Variants in FDXR observed in about 807,000 individuals in gnomAD.
The protein encoded by FDXR is NADPH:adrenodoxin oxidoreductase, mitochondrial.
FDXR carries 38 observed loss-of-function variants against 58.3 expected under a neutral mutation model. The observed-to-expected ratio is 0.65, with a 90% CI of 0.50 to 0.85. FDXR has a LOEUF of 0.85. Among genes scored for constraint, FDXR ranks in the 40% least tolerant of loss-of-function variants. The probability of loss-of-function intolerance (pLI) is 0.00; values close to 1 mark genes in which losing one functional copy is unlikely to be tolerated. For missense variants in FDXR, 624 were observed against 671.0 expected (o/e 0.93, Z 0.77); for synonymous variants, 275 against 273.8 (o/e 1.00, Z -0.04).
rs542442019 is a variant in FDXR, at chr17:74,866,182, G to A, written c.456C>T (p.Cys152=). The A allele has an allele frequency of 5.6e-6, 9 of 1,614,040 alleles. No homozygotes were observed. In the Admixed American group the frequency reaches 6.7e-5, roughly 12 times the overall value. ...EIPGEELPGV[C]SARAFVGWYN... ...ACCAGCCCACGAAGGCCCGGGCGGA[G>A]CACACACCTGGCAGCTCCTCACCAG... Residue 152 remains cysteine (C), a synonymous_variant, in exon 5 of 12, where the codon TGC becomes TGT. Coordinates refer to ENST00000293195, the MANE Select transcript of FDXR (RefSeq NM_024417.5).
At chr17:74,863,806 T>C in intron 10 of FDXR, 90 bp downstream of exon 10, 1 of 1,482,418 alleles carries the variant, frequency 6.7e-7, no homozygotes, top group Non-Finnish European at 9.2e-7. Context: ...CAGTACATGT[T>C]GCTAGATGAA....
At position 74,872,754 on chromosome 17, in the gene FDXR, C is replaced by G. The variant is rs1350043580; in HGVS notation, c.79+112G>C. The G allele has an allele frequency of 2.6e-6, 4 of 1,533,262 alleles. No homozygotes were observed. The Admixed American group carries it at 7.9e-5, about 30-fold the overall frequency. The allele number at this position is 1,533,262 out of a possible 1,614,324, so 95.0% of individuals were successfully genotyped here. ...CCGGGATCTCGCCAGCAGGAAGACA[C>G]CCCTTCAGTCTCACCCTTCTCCAGC... On this transcript the variant is annotated intron_variant, in intron 1 of 11. Transcript: ENST00000293195.
rs764795210 is a variant in FDXR at position 74,872,267 on chromosome 17, C to CT, written c.80-135_80-134insA. On this transcript the variant is annotated intron_variant, in intron 1 of 11. Coordinates refer to ENST00000293195, the MANE Select transcript of FDXR (RefSeq NM_024417.5). ...CCTGCATCCTCCTTCTCTTGTTCCT[C>CT]AAGGCTTTGGCATTTGCAGGGTCTC... is the stretch of plus-strand genomic sequence containing the variant. The CT allele has an allele frequency of 3.1e-5, 47 of 1,538,854 alleles. No homozygotes were observed. In the East Asian group the frequency reaches 1.1e-3, roughly 36 times the overall value.
At chr17:74,871,782 G>A (rs1241940069) in intron 2 of FDXR, among the ~76,000 whole-genome samples, 1 of 152,170 alleles carries the variant, frequency 6.6e-6, no homozygotes, top group Non-Finnish European at 1.5e-5. Flanking sequence ...TGCTTGGCCA[G>A]GGAGGCAAAG....
At position 74,864,917 on chromosome 17, in the gene FDXR, C is replaced by T. The variant is rs768414971; in HGVS notation, c.624G>A (p.Thr208=). The change falls in exon 7 of 12, where the codon ACG becomes ACA. Residue 208 remains threonine (T), a synonymous_variant. Coordinates refer to ENST00000293195, the MANE Select transcript of FDXR (RefSeq NM_024417.5). ...PPEHLERTDI[T]KAALGVLRQS... ...GCCTCAGTACACCCAGGGCTGCCTT[C>T]GTGATGTCCGTTCTCTGGCACAAAA... is the stretch of plus-strand genomic sequence containing the variant. 4.3e-6 allele frequency: 7 copies of T among 1,614,030 alleles called. No homozygotes were observed. The highest frequency in any genetic ancestry group is 1.1e-5 in the South Asian group (1 of 91,090).
In FDXR at chr17:74,866,573, C is replaced by G. The variant is rs2038193856; in HGVS notation, c.271-5G>C. 6.2e-7 allele frequency: 1 copy of G among 1,613,508 alleles called. No individual in the cohort carries two copies. The highest frequency in any genetic ancestry group is 2.2e-5 in the East Asian group (1 of 44,872). ...GGTAAATGTGTTGATGACATTCTGC[C>G]AGGTCCCCCGGGAATGGGAGGGGTT... is the stretch of plus-strand genomic sequence containing the variant. On this transcript the variant is annotated splice_polypyrimidine_tract_variant and splice_region_variant and intron_variant, in intron 3 of 11. Coordinates refer to ENST00000293195, the MANE Select transcript of FDXR (RefSeq NM_024417.5).
intron 2 of FDXR, chr17:74,870,053 G>A (rs979882431): frequency 6.3e-5 from 27 of 425,614 alleles, no homozygotes; most frequent in Admixed American, 5.5e-4. Context: ...TGTCCCAAAC[G>A]TGCTGCATGT....
chr17:74,864,802 C>T (rs755334781), intron 7 of FDXR, 22 bp downstream of exon 7: 12 of 1,613,770 alleles, frequency 7.4e-6, no homozygotes, highest in Middle Eastern at 1.7e-4. Context: ...AACCCTGGCT[C>T]CTCCCACTCT....
Position 74,862,789 on chromosome 17 carries a change from C to G in FDXR, c.*28G>C, listed in dbSNP as rs768032757. The G allele has an allele frequency of 6.3e-6, 10 of 1,594,418 alleles. No homozygotes were observed. The highest frequency in any genetic ancestry group is 8.5e-6 in the Non-Finnish European group (10 of 1,173,684). Reference sequence around the variant, plus strand: ...TCCCCTCCCAACACTCATCCCTTCCCTGCTGGGGGCCGGGGCTGGGGCTGG... The same window carrying G: ...TCCCCTCCCAACACTCATCCCTTCCGTGCTGGGGGCCGGGGCTGGGGCTGG... On this transcript the variant is annotated 3_prime_UTR_variant, in exon 12 of 12. Transcript: ENST00000293195.
intron 5 of FDXR, 105 bp from the exon 6 acceptor site, chr17:74,865,925 C>A: frequency 1.0e-6 from 1 of 989,420 alleles, no homozygotes; most frequent in South Asian, 1.5e-5. Flanking sequence ...TGGGGCTTCC[C>A]CACACCGGGA....
At chr17:74,868,037 T>C (rs559999778) in intron 2 of FDXR, among the ~76,000 whole-genome samples, 4 of 151,010 alleles carry the variant, frequency 2.6e-5, no homozygotes, top group African/African-American at 9.8e-5. Flanking sequence ...AAGAAGCCCC[T>C]GCCCATCAGT....
At chr17:74,869,273 CCA>C (rs1411152037) in intron 2 of FDXR, among the ~76,000 whole-genome samples, 2 of 152,162 alleles carry the variant, frequency 1.3e-5, no homozygotes, top group Non-Finnish European at 2.9e-5. Flanking sequence ...TTGGGCCCAG[CCA>C]CAGAGTTTGA....
At chr17:74,868,665 G>GAGA (rs2038274882) in intron 2 of FDXR, 1 of 1,534,614 alleles carries the variant, frequency 6.5e-7, no homozygotes, top group Non-Finnish European at 8.7e-7. Context: ...CTTATCTCTC[G>GAGA]TGGCTGACCT....
At chr17:74,863,308 G>T in intron 10 of FDXR, 62 bp from the exon 11 acceptor site, 1 of 1,503,758 alleles carries the variant, frequency 6.7e-7, no homozygotes, top group Non-Finnish European at 9.0e-7. Flanking sequence ...TGGCCATCCT[G>T]TGCCCACAAT....
rs3833107 is a variant in FDXR at position 74,872,003 on chromosome 17, AG to A, written c.177+32del. 6.0e-3 allele frequency: 8,906 copies of A among 1,491,526 alleles called. 166 individuals carry two copies. The highest frequency in any genetic ancestry group is 0.045 in the African/African-American group (3,171 of 71,250). The allele number at this position is 1,491,526 out of a possible 1,614,324, so 92.4% of individuals were successfully genotyped here. On this transcript the variant is annotated intron_variant, in intron 2 of 11. Transcript: ENST00000293195. ...GGCTTGCCCTTAGGACTGGAGCAGCAGGTGAATGATGGACTATGAGTAAGTG... is the reference window on the plus strand; with the variant it reads ...GGCTTGCCCTTAGGACTGGAGCAGCAGTGAATGATGGACTATGAGTAAGTG...
chr17:74,865,293 G>T (rs931522960), intron 6 of FDXR, among the ~76,000 whole-genome samples: 2 of 152,122 alleles, frequency 1.3e-5, no homozygotes, highest in African/African-American at 4.8e-5. Flanking sequence ...TCATCAATGT[G>T]TGTAAAATTG....
intron 2 of FDXR, among the ~76,000 whole-genome samples, chr17:74,870,734 C>T (rs1181761220): frequency 6.6e-6 from 1 of 151,312 alleles, no homozygotes; most frequent in Non-Finnish European, 1.5e-5. Context: ...TGACTCCCCA[C>T]ATGTGGGAGG....
intron 2 of FDXR, among the ~76,000 whole-genome samples, chr17:74,870,854 G>A (rs1687869140): frequency 6.9e-6 from 1 of 145,166 alleles, no homozygotes; most frequent in East Asian, 2.0e-4. Flanking sequence ...CCAGGCTGGA[G>A]TACAGTGATT....
chr17:74,865,726 T>C lies in FDXR; in HGVS notation c.602A>G (p.His201Arg). The change falls in exon 6 of 12, where the codon CAC (histidine) becomes CGC (arginine). Residue 201 changes from histidine (H) to arginine (R), a missense_variant. Physicochemically the swap from His to Arg is conservative, Grantham distance 29 (BLOSUM62 0). Coordinates refer to ENST00000293195, the MANE Select transcript of FDXR (RefSeq NM_024417.5). ...CCCTGACCTACCACTCACCTCCAGG[T>C]GCTCAGGTGGGGTCAGTAGGATGCG... ...VARILLTPPE[H>R]LERTDITKAA... 6.2e-7 allele frequency: 1 copy of C among 1,609,800 alleles called. No homozygotes were observed. Among genetic ancestry groups the C allele is most frequent in the South Asian group, 1.1e-5 (1 of 90,582 alleles).
Sources: gnomAD v4.1 joint callset for allele counts (sites outside exome capture counted in the v4.1 genomes callset) on GRCh38, gnomAD v4.1.1 for gene constraint, MANE v1.5 for transcripts, NCBI Gene and HGNC (gene_info 2026-07-23, HGNC 2026-07-21) for gene names.